The following SLC35F4 variants were observed in gnomAD, a reference collection of about 807,000 sequenced individuals.
SLC35F4 encodes solute carrier family 35 member F4.
A neutral mutation model predicts 44.2 loss-of-function variants in SLC35F4; 24 were observed. That is an observed-to-expected ratio of 0.54 (90% confidence interval 0.39 to 0.76). The LOEUF is 0.76. Ranked by LOEUF, SLC35F4 falls within the 30% of genes least tolerant of loss-of-function variation. SLC35F4 has a pLI of 0.00. For missense variants in SLC35F4, 562 were observed against 586.1 expected, an observed-to-expected ratio of 0.96 and a Z score of 0.42; for synonymous variants, 238 against 223.6, an observed-to-expected ratio of 1.06 and a Z score of -0.57.
chr14:57,951,290 G>A (rs1333692511), intron 1 of SLC35F4, among the ~76,000 whole-genome samples: 1 of 152,164 alleles, frequency 6.6e-6, no homozygotes, highest in Non-Finnish European at 1.5e-5. Flanking sequence ...TTCACAACCT[G>A]CAGACCAGGA....
intron 1 of SLC35F4, among the ~76,000 whole-genome samples, chr14:57,680,730 C>T (rs951615176): frequency 6.6e-6 from 1 of 152,070 alleles, no homozygotes; most frequent in Non-Finnish European, 1.5e-5. Context: ...CAATAATAGA[C>T]AAACAGAGAG....
At chr14:57,826,138 A>T (rs1883738167) in intron 1 of SLC35F4, among the ~76,000 whole-genome samples, 1 of 152,174 alleles carries the variant, frequency 6.6e-6, no homozygotes, top group Non-Finnish European at 1.5e-5. Context: ...AGTAACCAAA[A>T]CAGCATGGTA....
intron 4 of SLC35F4, among the ~76,000 whole-genome samples, chr14:57,573,166 A>G (rs2068600733): frequency 6.6e-6 from 1 of 152,192 alleles, no homozygotes; most frequent in Non-Finnish European, 1.5e-5. Flanking sequence ...TTTAACATGT[A>G]ATTACTGACT....
intron 1 of SLC35F4, among the ~76,000 whole-genome samples, chr14:57,803,020 A>C (rs1463103750): frequency 4.0e-5 from 6 of 149,632 alleles, no homozygotes; most frequent in Non-Finnish European, 7.4e-5. Flanking sequence ...ATTGCAGGCC[A>C]ATATCCTTGA....
chr14:57,786,620 C>T (rs899250200), intron 1 of SLC35F4, among the ~76,000 whole-genome samples: 7 of 152,124 alleles, frequency 4.6e-5, no homozygotes, highest in Non-Finnish European at 4.4e-5. Flanking sequence ...CAGTACCAGC[C>T]CGGAGCCAGG....
At chr14:57,964,002 A>C (rs1015737633) in intron 1 of SLC35F4, among the ~76,000 whole-genome samples, 8 of 152,120 alleles carry the variant, frequency 5.3e-5, no homozygotes, top group African/African-American at 1.9e-4. Flanking sequence ...GATTACAGGC[A>C]TGAGCCACCA....
At chr14:57,603,414 T>TC (rs2070952527) in intron 1 of SLC35F4, among the ~76,000 whole-genome samples, 1 of 152,138 alleles carries the variant, frequency 6.6e-6, no homozygotes, top group Admixed American at 6.5e-5. Flanking sequence ...TAGGGGGAGT[T>TC]CCCCCTCCCT....
At chr14:57,881,947 G>C (rs1170597956) in intron 1 of SLC35F4, among the ~76,000 whole-genome samples, 1 of 152,164 alleles carries the variant, frequency 6.6e-6, no homozygotes, top group East Asian at 1.9e-4. Context: ...GCATATGTAA[G>C]AAGTTTAGCT....
At chr14:57,815,372 C>A (rs551315217) in intron 1 of SLC35F4, among the ~76,000 whole-genome samples, 1 of 152,212 alleles carries the variant, frequency 6.6e-6, no homozygotes, top group East Asian at 1.9e-4. Context: ...GTTGGTCATA[C>A]GGGAAGTAGA....
intron 1 of SLC35F4, among the ~76,000 whole-genome samples, chr14:57,800,023 T>G (rs2140849247): frequency 6.6e-6 from 1 of 152,290 alleles, no homozygotes; most frequent in South Asian, 2.1e-4. Flanking sequence ...AGACTGCTTC[T>G]TTAAGCCGGA....
chr14:57,918,407 G>A (rs1415446819), intron 1 of SLC35F4, among the ~76,000 whole-genome samples: 2 of 152,088 alleles, frequency 1.3e-5, no homozygotes, highest in African/African-American at 4.8e-5. Flanking sequence ...TTCCAATTTG[G>A]GAGGCGGTGG....
rs1024531966 is a variant in SLC35F4 at position 57,906,127 on chromosome 14, T to C, written n.282+75786A>G. ...ACTCAGCCTAAACCTTGACAGGGTATACTTTCAAAAAACTTTTTATCACAA... is the reference window on the plus strand; with the variant it reads ...ACTCAGCCTAAACCTTGACAGGGTACACTTTCAAAAAACTTTTTATCACAA... On this transcript the variant is annotated intron_variant and non_coding_transcript_variant, in intron 1 of 1. Transcript: ENST00000556568. 2.0e-5 allele frequency among the ~76,000 whole-genome samples: 3 copies of C among 152,296 alleles called. 1 individual carries two copies. Among genetic ancestry groups the C allele is most frequent in the Admixed American group, 2.0e-4 (3 of 15,304 alleles).
chr14:57,957,549 T>G (rs1451470064), intron 1 of SLC35F4, among the ~76,000 whole-genome samples: 2 of 152,202 alleles, frequency 1.3e-5, no homozygotes, highest in Non-Finnish European at 2.9e-5. Context: ...CTCAGTCATT[T>G]GTAGACATGT....
chr14:57,584,667 T>C (rs2069562799), intron 3 of SLC35F4, among the ~76,000 whole-genome samples: 1 of 152,220 alleles, frequency 6.6e-6, no homozygotes, highest in African/African-American at 2.4e-5. Flanking sequence ...AATCAGATTT[T>C]ACTAAGTTCA....
intron 1 of SLC35F4, among the ~76,000 whole-genome samples, chr14:57,885,984 G>A (rs560336459): frequency 2.0e-5 from 3 of 152,166 alleles, no homozygotes; most frequent in Non-Finnish European, 4.4e-5. Context: ...GATCATATAC[G>A]CACATAGTAA....
chr14:57,716,333 CTTAACCAT>C (rs1661377872), intron 1 of SLC35F4, among the ~76,000 whole-genome samples: 1 of 151,812 alleles, frequency 6.6e-6, no homozygotes, highest in Non-Finnish European at 1.5e-5. Flanking sequence ...TAACCTATAC[CTTAACCAT>C]TTATGCCGGA....
chr14:57,830,378 T>G (rs1884241622), intron 1 of SLC35F4, among the ~76,000 whole-genome samples: 2 of 152,220 alleles, frequency 1.3e-5, no homozygotes, highest in Admixed American at 6.5e-5. Context: ...CTTTATAATA[T>G]CCGAGGAGAT....
At chr14:57,830,403 C>CA (rs1419022249) in intron 1 of SLC35F4, among the ~76,000 whole-genome samples, 6 of 152,142 alleles carry the variant, frequency 3.9e-5, no homozygotes, top group Non-Finnish European at 7.3e-5. Flanking sequence ...ATTTGGATCT[C>CA]CCTAGCTTCG....
intron 1 of SLC35F4, among the ~76,000 whole-genome samples, chr14:57,792,336 T>G (rs2077941477): frequency 6.6e-6 from 1 of 152,136 alleles, no homozygotes; most frequent in Non-Finnish European, 1.5e-5. Context: ...GCAGCCACTA[T>G]GGAAAACAGT....
Sources: gnomAD v4.1 joint callset for allele counts (sites outside exome capture counted in the v4.1 genomes callset) on GRCh38, gnomAD v4.1.1 for gene constraint, MANE v1.5 for transcripts, NCBI Gene and HGNC (gene_info 2026-07-23, HGNC 2026-07-21) for gene names.